Variants in FKBP3 observed in about 807,000 individuals in gnomAD.
FKBP3 encodes peptidyl-prolyl cis-trans isomerase FKBP3.
In FKBP3, 21 loss-of-function variants were observed where a neutral mutation model predicts 30.6. The ratio of observed to expected loss-of-function variants is 0.69; its 90% CI spans 0.49 to 0.99. The LOEUF (loss-of-function observed/expected upper bound fraction) is 0.99, where lower values mean the gene tolerates loss of function less well. Ranked by LOEUF, FKBP3 falls within the 50% of genes least tolerant of loss-of-function variation. The pLI is 0.00. For synonymous variants in FKBP3, 82 were observed against 91.3 expected, an observed-to-expected ratio of 0.90 and a Z score of 0.58; for missense variants, 283 against 261.6, an observed-to-expected ratio of 1.08 and a Z score of -0.56.
chr14:45,127,098 T>C (rs1156774947), intron 3 of FKBP3, among the ~76,000 whole-genome samples: 1 of 149,118 alleles, frequency 6.7e-6, no homozygotes, highest in Non-Finnish European at 1.5e-5. Context: ...CCAGCCACTG[T>C]ACCTGACTGA....
intron 3 of FKBP3, among the ~76,000 whole-genome samples, chr14:45,121,903 A>G (rs570205110): frequency 3.3e-5 from 5 of 152,334 alleles, no homozygotes; most frequent in Admixed American, 3.3e-4. Context: ...ACATGATTTC[A>G]GTTATTTCCT....
At chr14:45,126,614 G>A (rs1329362307) in intron 3 of FKBP3, among the ~76,000 whole-genome samples, 1 of 152,140 alleles carries the variant, frequency 6.6e-6, no homozygotes, top group African/African-American at 2.4e-5. Flanking sequence ...GACCAGTGGT[G>A]ACCAATAAAA....
At chr14:45,121,034 C>A in intron 4 of FKBP3, 80 bp from the exon 5 acceptor site, 3 of 1,177,024 alleles carry the variant, frequency 2.5e-6, no homozygotes, top group South Asian at 2.7e-5. Context: ...TTATTAAATT[C>A]CAGTGGAAAA....
chr14:45,133,084 GATA>G (rs1268252966), intron 1 of FKBP3, among the ~76,000 whole-genome samples: 3 of 152,158 alleles, frequency 2.0e-5, no homozygotes, highest in African/African-American at 4.8e-5. Flanking sequence ...CGGATGCCAG[GATA>G]ATAATTAAGG....
chr14:45,118,887 G>A (rs1051505430), intron 5 of FKBP3, among the ~76,000 whole-genome samples: 3 of 151,798 alleles, frequency 2.0e-5, no homozygotes, highest in African/African-American at 7.3e-5. Context: ...ATGGAGTTTC[G>A]CTCTTGTTGC....
In FKBP3 at chr14:45,132,129, T is replaced by G. The variant is rs1027665900; in HGVS notation, c.109-1329A>C. Among the ~76,000 whole-genome samples the G allele has an allele frequency of 3.9e-5, 6 of 152,234 alleles. No individual in the cohort carries two copies. In the East Asian group the frequency reaches 1.2e-3, roughly 29 times the overall value. On this transcript the variant is annotated intron_variant, in intron 1 of 6. Coordinates refer to ENST00000396062, the MANE Select transcript of FKBP3 (RefSeq NM_002013.4). Reference sequence around the variant, plus strand: ...AAGCTTTTGATAAAGCAGTTAACATTATTAGCAGTTAACAGCTAACACTAT... The same window carrying G: ...AAGCTTTTGATAAAGCAGTTAACATGATTAGCAGTTAACAGCTAACACTAT...
intron 3 of FKBP3, among the ~76,000 whole-genome samples, chr14:45,129,102 C>T (rs1449231684): frequency 5.9e-5 from 9 of 152,068 alleles, no homozygotes; most frequent in African/African-American, 2.2e-4. Flanking sequence ...CCACAAATAC[C>T]CAAAAGCTAC....
In FKBP3 at chr14:45,129,825, T is replaced by G. The variant is rs755521526; in HGVS notation, c.287A>C (p.Lys96Thr). The change falls in exon 3 of 7, where the codon AAA (lysine) becomes ACA (threonine). Residue 96 changes from lysine (K) to threonine (T), a missense_variant. Physicochemically the swap from Lys to Thr is moderately conservative, Grantham distance 78. Coordinates refer to ENST00000396062, the MANE Select transcript of FKBP3 (RefSeq NM_002013.4). ...CAGGGTCTCTTCAGACTTGGTTTCT[T>G]TGGGTTTATCTTCATTAAGCTTCAC... ...KNVKLNEDKPKETKSEETLDE... is the reference protein window; with the variant it reads ...KNVKLNEDKPTETKSEETLDE... 6.2e-7 allele frequency: 1 copy of G among 1,612,756 alleles called. No individual in the cohort carries two copies. Among genetic ancestry groups the G allele is most frequent in the Admixed American group, 1.7e-5 (1 of 59,970 alleles).
intron 5 of FKBP3, among the ~76,000 whole-genome samples, chr14:45,118,411 CT>C (rs1313289914): frequency 6.6e-6 from 1 of 152,008 alleles, no homozygotes; most frequent in Non-Finnish European, 1.5e-5. Flanking sequence ...GGGCAGATCA[CT>C]TAAGGTCAGG....
rs1396225609 is a variant in FKBP3, at chr14:45,126,285, C to CAA, written c.318+3508_318+3509insTT. Among the ~76,000 whole-genome samples the CAA allele has an allele frequency of 2.8e-4, 43 of 151,578 alleles. No homozygotes were observed. In the East Asian group the frequency reaches 6.1e-3, roughly 21 times the overall value. The stretch of plus-strand genomic sequence containing the variant: ...TGGGTGGATCACGAGGTCAGGAATT[C>CAA]GACAATAGCCTGACCAACATGGTGA... On this transcript the variant is annotated intron_variant, in intron 3 of 6. Coordinates refer to ENST00000396062, the MANE Select transcript of FKBP3 (RefSeq NM_002013.4).
intron 2 of FKBP3, among the ~76,000 whole-genome samples, chr14:45,130,452 G>C (rs1172816702): frequency 6.6e-6 from 1 of 152,158 alleles, no homozygotes; most frequent in Non-Finnish European, 1.5e-5. Context: ...TAACTTCAGT[G>C]GACTTAAGAA....
chr14:45,128,205 C>T (rs909945460), intron 3 of FKBP3, among the ~76,000 whole-genome samples: 3 of 152,096 alleles, frequency 2.0e-5, no homozygotes, highest in South Asian at 2.1e-4. Flanking sequence ...GGCATGGTGG[C>T]GCCTGCCTGG....
rs1407757727 is a variant in FKBP3, at chr14:45,132,184, C to G, written c.109-1384G>C. ...ATTGTATTTTTTTCTTTTGCTTTTT[C>G]TTTCAAAGATATGTTCTAAATAACA... On this transcript the variant is annotated intron_variant, in intron 1 of 6. Coordinates refer to ENST00000396062, the MANE Select transcript of FKBP3 (RefSeq NM_002013.4). Among the ~76,000 whole-genome samples the G allele has an allele frequency of 2.0e-5, 3 of 152,112 alleles. No homozygotes were observed. In the East Asian group the frequency reaches 5.8e-4, roughly 29 times the overall value.
At chr14:45,116,658 C>G (rs187468388) in intron 6 of FKBP3, among the ~76,000 whole-genome samples, 1 of 151,890 alleles carries the variant, frequency 6.6e-6, no homozygotes, top group Non-Finnish European at 1.5e-5. Flanking sequence ...GAGTTTGTGA[C>G]CAGCCTGGCC....
intron 3 of FKBP3, among the ~76,000 whole-genome samples, chr14:45,125,099 T>G (rs777487397): frequency 9.9e-5 from 15 of 152,170 alleles, no homozygotes; most frequent in Non-Finnish European, 1.9e-4. Context: ...GTATTTTTAG[T>G]GCAGGTGGAG....
At chr14:45,133,602 A>G (rs1216670202) in intron 1 of FKBP3, among the ~76,000 whole-genome samples, 1 of 152,262 alleles carries the variant, frequency 6.6e-6, no homozygotes, top group Non-Finnish European at 1.5e-5. Flanking sequence ...GCAATTTAAC[A>G]GGTGCATGAA....
At chr14:45,122,004 A>C (rs1884995641) in intron 3 of FKBP3, among the ~76,000 whole-genome samples, 1 of 152,212 alleles carries the variant, frequency 6.6e-6, no homozygotes, top group South Asian at 2.1e-4. Context: ...AAAGATTTGA[A>C]CTGTTTTAGC....
chr14:45,116,610 C>CT (rs1884845403), intron 6 of FKBP3, among the ~76,000 whole-genome samples: 1 of 152,076 alleles, frequency 6.6e-6, no homozygotes, highest in Non-Finnish European at 1.5e-5. Flanking sequence ...AATCCCACCA[C>CT]TTTAGGAGGC....
chr14:45,131,519 C>T (rs1188328986), intron 1 of FKBP3, among the ~76,000 whole-genome samples: 1 of 150,464 alleles, frequency 6.6e-6, no homozygotes, highest in Non-Finnish European at 1.5e-5. Flanking sequence ...GTAGTCCCAG[C>T]TCGGGAGGCT....
Sources: allele counts gnomAD v4.1 joint callset (sites outside exome capture counted in the v4.1 genomes callset), GRCh38; gene constraint gnomAD v4.1.1; transcripts MANE v1.5; gene names NCBI Gene and HGNC (gene_info 2026-07-23, HGNC 2026-07-21).